Variants in MRC1 observed in about 807,000 individuals in gnomAD.
MRC1 encodes the protein mannose receptor C-type 1.
Under a neutral mutation model 102.9 loss-of-function variants are expected in MRC1, and 62 were observed. The ratio of observed to expected loss-of-function variants is 0.60; its 90% CI spans 0.49 to 0.74. The LOEUF (loss-of-function observed/expected upper bound fraction) is 0.74, where lower values mean the gene tolerates loss of function less well. Among genes scored for constraint, MRC1 ranks in the 30% least tolerant of loss-of-function variants. The pLI is 0.00. For synonymous variants in MRC1, 457 were observed against 298.4 expected (o/e 1.53, Z -5.48); for missense variants, 1,237 against 862.8 (o/e 1.43, Z -5.43).
intron 18 of MRC1, among the ~76,000 whole-genome samples, chr10:17,878,250 T>C (rs1336340338): frequency 6.6e-6 from 1 of 152,220 alleles, no homozygotes; most frequent in Non-Finnish European, 1.5e-5. Flanking sequence ...ACTAAAAAGT[T>C]GTTGTTTTAG....
intron 24 of MRC1, among the ~76,000 whole-genome samples, chr10:17,899,374 T>C (rs1417562837): frequency 6.6e-6 from 1 of 152,236 alleles, no homozygotes; most frequent in Non-Finnish European, 1.5e-5. Flanking sequence ...TTCACGATTC[T>C]CTTATGAGTT....
In MRC1 at chr10:17,856,306, G is replaced by C; in HGVS notation, c.1472G>C (p.Arg491Pro). 3.5e-6 allele frequency: 3 copies of C among 862,902 alleles called. No individual in the cohort carries two copies. Among genetic ancestry groups the C allele is most frequent in the East Asian group, 4.8e-5 (2 of 41,488 alleles). The allele number at this position is 862,902 out of a possible 1,614,324, so 53.5% of individuals were successfully genotyped here. Residue 491 changes from arginine (R) to proline (P), a missense_variant, in exon 9 of 30, where the codon CGA becomes CCA. Coordinates refer to ENST00000569591, the MANE Select transcript of MRC1 (RefSeq NM_002438.4). ...GGCTACATCTGCAAGATGAAATCAC[G>C]AAGCCAAGGTCCAGAAATAGTGGAA... ...PLGYICKMKS[R>P]SQGPEIVEVE...
intron 26 of MRC1, among the ~76,000 whole-genome samples, chr10:17,904,608 G>A (rs996547991): frequency 1.1e-4 from 16 of 152,178 alleles, no homozygotes; most frequent in Non-Finnish European, 1.6e-4. Context: ...ATTTCTTTAA[G>A]TGCCTAGAAC....
At chr10:17,823,582 A>G in intron 2 of MRC1, 107 bp downstream of exon 2, 1 of 750,352 alleles carries the variant, frequency 1.3e-6, no homozygotes, top group South Asian at 1.5e-5. Context: ...TACTAGAAAT[A>G]TCAATTGATC....
intron 8 of MRC1, 53 bp from the exon 9 acceptor site, chr10:17,856,189 A>AAAT: frequency 1.3e-6 from 1 of 744,676 alleles, no homozygotes; most frequent in Non-Finnish European, 2.3e-6. Flanking sequence ...AAAAAAAAAA[A>AAAT]GGTCCCCAAA....
At chr10:17,828,120 A>C (rs1452431838) in intron 3 of MRC1, among the ~76,000 whole-genome samples, 3 of 152,208 alleles carry the variant, frequency 2.0e-5, no homozygotes, top group Non-Finnish European at 2.9e-5. Context: ...TGTGTCTCCC[A>C]GGCTGGAGTG....
intron 27 of MRC1, among the ~76,000 whole-genome samples, chr10:17,907,218 T>C (rs906453789): frequency 2.1e-3 from 318 of 152,352 alleles, no homozygotes; most frequent in Admixed American, 3.7e-3. Context: ...GTAGCTAAGA[T>C]AGTTTGAGGA....
chr10:17,910,256 G>A lies in MRC1; in HGVS notation c.4162G>A (p.Val1388Met), dbSNP rs1404590626. The A allele has an allele frequency of 7.7e-6, 6 of 780,736 alleles. No individual in the cohort carries two copies. Among genetic ancestry groups the A allele is most frequent in the African/African-American group, 1.7e-5 (1 of 59,134 alleles). The allele number at this position is 780,736 out of a possible 1,614,324, so 48.4% of individuals were successfully genotyped here. Residue 1388 changes from valine to methionine, a missense_variant, in exon 30 of 30, where the codon GTG becomes ATG. Val to Met is a conservative substitution (Grantham distance 21). Transcript: ENST00000569591. Reference protein sequence around the residue: ...KMDPSKPSSNVAGVVIIVILL... With the variant: ...KMDPSKPSSNMAGVVIIVILL... The stretch of plus-strand genomic sequence containing the variant: ...GGACCCTTCTAAACCGTCTTCCAAC[G>A]TGGCCGGAGTAGTCATCATTGTGAT...
intron 28 of MRC1, among the ~76,000 whole-genome samples, chr10:17,909,098 CAGAT>C (rs1222313859): frequency 3.3e-5 from 5 of 152,074 alleles, no homozygotes; most frequent in African/African-American, 9.7e-5. Flanking sequence ...GACAGAGAGA[CAGAT>C]AGATGATAGG....
intron 7 of MRC1, among the ~76,000 whole-genome samples, chr10:17,851,897 G>A (rs1287248338): frequency 2.0e-5 from 3 of 152,188 alleles, no homozygotes; most frequent in East Asian, 1.9e-4. Context: ...AGACTAAACC[G>A]CTTAGGGAGA....
intron 28 of MRC1, among the ~76,000 whole-genome samples, chr10:17,908,093 C>T (rs563744009): frequency 0.065 from 9,889 of 152,154 alleles, 1,071 homozygotes; most frequent in African/African-American, 0.22. Flanking sequence ...GAATGAGTCA[C>T]GTCAGACTAA....
chr10:17,905,569 G>A (rs1382095350), intron 26 of MRC1, among the ~76,000 whole-genome samples: 1 of 151,364 alleles, frequency 6.6e-6, no homozygotes, highest in African/African-American at 2.4e-5. Flanking sequence ...TTCCATTTTA[G>A]ATGACTCTTT....
Position 17,910,585 on chromosome 10 carries a change from T to C in MRC1, c.*120T>C. On this transcript the variant is annotated 3_prime_UTR_variant, in exon 30 of 30. Transcript: ENST00000569591. ...TACTGAATTGTACTGGTCTGTCCTTTTTTCCTTTGCCTAATTGAAGAAATA... is the reference window on the plus strand; with the variant it reads ...TACTGAATTGTACTGGTCTGTCCTTCTTTCCTTTGCCTAATTGAAGAAATA... The C allele has an allele frequency of 1.4e-6, 1 of 734,790 alleles. No individual in the cohort carries two copies. The allele number at this position is 734,790 out of a possible 1,614,324, so 45.5% of individuals were successfully genotyped here. A position where few individuals can be genotyped will look rare whatever the true frequency, so the allele number is the denominator to read the frequency against.
chr10:17,872,148 T>C, intron 15 of MRC1, 22 bp downstream of exon 15: 1 of 780,392 alleles, frequency 1.3e-6, no homozygotes, highest in Non-Finnish European at 2.4e-6. Flanking sequence ...TCTTCTCTCC[T>C]TTATCTCAGC....
At chr10:17,887,367 G>C (rs961647976) in intron 22 of MRC1, among the ~76,000 whole-genome samples, 3 of 152,140 alleles carry the variant, frequency 2.0e-5, no homozygotes, top group Non-Finnish European at 4.4e-5. Flanking sequence ...CTCCAGCCTG[G>C]GCTGCAGAGC....
At chr10:17,850,741 A>G (rs1589177650) in intron 7 of MRC1, among the ~76,000 whole-genome samples, 1 of 152,160 alleles carries the variant, frequency 6.6e-6, no homozygotes, top group African/African-American at 2.4e-5. Context: ...GCTTCCTGAC[A>G]CATAGTGCCT....
chr10:17,844,608 C>T lies in MRC1; in HGVS notation c.917-681C>T, dbSNP rs1390925814. Among the ~76,000 whole-genome samples, 7 of 152,238 alleles carry T rather than the reference C, an allele frequency of 4.6e-5. No individual in the cohort carries two copies. The South Asian group carries it at 1.2e-3, about 27-fold the overall frequency. On this transcript the variant is annotated intron_variant, in intron 5 of 29. Transcript: ENST00000569591. The stretch of plus-strand genomic sequence containing the variant: ...TTGTAGATTCAGAGATACATGTACA[C>T]GGTTGTTACATACCTAGGTAAATTG...
At chr10:17,863,464 C>T (rs1470325808) in intron 10 of MRC1, 70 bp from the exon 11 acceptor site, 1 of 778,244 alleles carries the variant, frequency 1.3e-6, no homozygotes, top group Non-Finnish European at 2.4e-6. Flanking sequence ...ATAGTTTCCA[C>T]GTTGATAATT....
chr10:17,903,392 C>T (rs1186491560), intron 26 of MRC1, among the ~76,000 whole-genome samples: 179 of 88,774 alleles, frequency 2.0e-3, no homozygotes, highest in South Asian at 2.4e-3. Context: ...CTTTTTTTTT[C>T]TTTTTTTTTT....
Sources: gnomAD v4.1 joint callset for allele counts (sites outside exome capture counted in the v4.1 genomes callset) on GRCh38, gnomAD v4.1.1 for gene constraint, MANE v1.5 for transcripts, NCBI Gene and HGNC (gene_info 2026-07-23, HGNC 2026-07-21) for gene names.